Variants in IMMT observed in about 807,000 individuals in gnomAD.
IMMT encodes inner membrane mitochondrial protein.
In IMMT, 40 loss-of-function variants were observed where a neutral mutation model predicts 92.7. That is an observed-to-expected ratio of 0.43 (90% CI 0.34 to 0.56). IMMT has a LOEUF of 0.56. IMMT is among the 20% of genes least tolerant of loss of function. The pLI, the probability that IMMT is intolerant of heterozygous loss-of-function variation, is 0.03. For missense variants in IMMT, 831 were observed against 912.1 expected (o/e 0.91, Z 1.14); for synonymous variants, 322 against 336.1 (o/e 0.96, Z 0.46).
intron 6 of IMMT, among the ~76,000 whole-genome samples, chr2:86,168,062 C>G (rs1346944290): frequency 3.3e-5 from 5 of 151,870 alleles, no homozygotes; most frequent in Admixed American, 6.6e-5. Context: ...AGAAAACAGA[C>G]AAGAGAAAGA....
At chr2:86,177,304 G>A (rs1677493621) in intron 3 of IMMT, among the ~76,000 whole-genome samples, 1 of 151,578 alleles carries the variant, frequency 6.6e-6, no homozygotes, top group African/African-American at 2.4e-5. Flanking sequence ...TAAGATTAGA[G>A]TTTAAAAATT....
Position 86,179,954 on chromosome 2 carries a change from C to T in IMMT, c.120-332G>A, listed in dbSNP as rs565367700. Among the ~76,000 whole-genome samples the T allele has an allele frequency of 3.3e-5, 5 of 152,118 alleles. No homozygotes were observed. In the East Asian group the frequency reaches 5.8e-4, roughly 18 times the overall value. On this transcript the variant is annotated intron_variant, in intron 2 of 14. Coordinates refer to ENST00000410111, the MANE Select transcript of IMMT (RefSeq NM_006839.3). Reference sequence around the variant, plus strand: ...AAAAAATTAGCCAGGTGTAGTAGCACGTGCCCCAGCTACTCAAGAGGCCGA... The same window carrying T: ...AAAAAATTAGCCAGGTGTAGTAGCATGTGCCCCAGCTACTCAAGAGGCCGA...
At chr2:86,147,408 CAT>C (rs1382925373) in intron 13 of IMMT, among the ~76,000 whole-genome samples, 1 of 152,132 alleles carries the variant, frequency 6.6e-6, no homozygotes, top group African/African-American at 2.4e-5. Context: ...TAAGCAGTAC[CAT>C]GCCATCTATA....
Position 86,144,169 on chromosome 2 carries a change from A to G in IMMT, c.*99T>C. The G allele has an allele frequency of 7.5e-7, 1 of 1,328,554 alleles. No individual in the cohort carries two copies. The highest frequency in any genetic ancestry group is 1.0e-6 in the Non-Finnish European group (1 of 966,792). The allele number at this position is 1,328,554 out of a possible 1,614,324, so 82.3% of individuals were successfully genotyped here. A position where few individuals can be genotyped will look rare whatever the true frequency, so the allele number is the denominator to read the frequency against. On this transcript the variant is annotated 3_prime_UTR_variant, in exon 15 of 15. Transcript: ENST00000410111. ...TAGAACAGTACTTGTAAACCTGCTC[A>G]TTTCTAGACAAGTCCGGGACTCTCG...
intron 11 of IMMT, among the ~76,000 whole-genome samples, chr2:86,152,460 A>G (rs1370158711): frequency 6.7e-6 from 1 of 148,398 alleles, no homozygotes; most frequent in African/African-American, 2.5e-5. Context: ...AAAAAAAAAG[A>G]GAGAATTATG....
chr2:86,191,629 C>T (rs774425777), intron 1 of IMMT, among the ~76,000 whole-genome samples: 19 of 151,884 alleles, frequency 1.3e-4, no homozygotes, highest in African/African-American at 2.7e-4. Flanking sequence ...TTCAGCCAGG[C>T]GCGGTGGCTC....
chr2:86,170,503 G>A lies in IMMT; in HGVS notation c.655+246C>T, dbSNP rs190939090. ...TCCCAGAGTATAAAGAATCTTTAGC[G>A]CTAACATAATCTTTAGTATTATTTG... On this transcript the variant is annotated intron_variant, in intron 6 of 14. Transcript: ENST00000410111. 1.2e-3 allele frequency among the ~76,000 whole-genome samples: 183 copies of A among 152,216 alleles called. 1 individual carries two copies. The highest frequency in any genetic ancestry group is 1.3e-3 in the Non-Finnish European group (90 of 68,010).
At chr2:86,149,679 A>C (rs1675315791) in intron 12 of IMMT, among the ~76,000 whole-genome samples, 1 of 152,134 alleles carries the variant, frequency 6.6e-6, no homozygotes, top group African/African-American at 2.4e-5. Flanking sequence ...GGAGTTCGAG[A>C]CCAGCCTGGC....
chr2:86,173,440 C>A, intron 4 of IMMT: 2 of 433,204 alleles, frequency 4.6e-6, no homozygotes, highest in Non-Finnish European at 8.3e-6. Flanking sequence ...ATTAGCTGGG[C>A]GTGCTGGCAC....
intron 8 of IMMT, among the ~76,000 whole-genome samples, chr2:86,160,902 A>G (rs1676222333): frequency 6.6e-6 from 1 of 152,212 alleles, no homozygotes; most frequent in Non-Finnish European, 1.5e-5. Context: ...GAGATACATC[A>G]TCTAAGCAAT....
intron 9 of IMMT, among the ~76,000 whole-genome samples, chr2:86,159,010 T>C (rs910836092): frequency 7.3e-5 from 11 of 151,408 alleles, no homozygotes; most frequent in Non-Finnish European, 1.6e-4. Context: ...ACAATAATCA[T>C]AACCAAAAAT....
intron 8 of IMMT, 21 bp from the exon 9 acceptor site, chr2:86,159,692 G>C (rs368849786): frequency 1.3e-6 from 2 of 1,523,618 alleles, no homozygotes; most frequent in Non-Finnish European, 1.8e-6. Flanking sequence ...ACAAAACAAA[G>C]ATTTAATATA....
intron 4 of IMMT, among the ~76,000 whole-genome samples, chr2:86,173,302 C>T (rs979279696): frequency 3.3e-5 from 5 of 152,040 alleles, no homozygotes; most frequent in East Asian, 3.9e-4. Context: ...GTGAAGAGGC[C>T]GGGCATGGTG....
chr2:86,146,177 A>C lies in IMMT; in HGVS notation c.1554T>G (p.Ser518=). ...EFEQNLSEKL[S]EQELQFRRLS... The stretch of plus-strand genomic sequence containing the variant: ...GACGACGAAATTGTAATTCTTGTTC[A>C]GAGAGTTTCTCAGACAGGTTCTGAA... Residue 518 remains serine, a synonymous_variant, in exon 14 of 15, where the codon TCT becomes TCG. Coordinates refer to ENST00000410111, the MANE Select transcript of IMMT (RefSeq NM_006839.3). The C allele has an allele frequency of 6.2e-7, 1 of 1,608,544 alleles. No homozygotes were observed. The highest frequency in any genetic ancestry group is 8.5e-7 in the Non-Finnish European group (1 of 1,176,390).
At chr2:86,149,268 T>C (rs943965186) in intron 12 of IMMT, among the ~76,000 whole-genome samples, 3 of 152,142 alleles carry the variant, frequency 2.0e-5, no homozygotes, top group Non-Finnish European at 4.4e-5. Flanking sequence ...TAGAACAATG[T>C]ACTAGGCAGA....
At chr2:86,180,473 C>G (rs2105414452) in intron 2 of IMMT, among the ~76,000 whole-genome samples, 1 of 148,250 alleles carries the variant, frequency 6.7e-6, no homozygotes, top group East Asian at 2.2e-4. Flanking sequence ...ACCAAGTTGG[C>G]CAGGCTGGTC....
chr2:86,146,230 G>T (rs1198274983), intron 13 of IMMT, 33 bp from the exon 14 acceptor site: 8 of 1,587,550 alleles, frequency 5.0e-6, no homozygotes, highest in Non-Finnish European at 6.9e-6. Context: ...CCAGAAAAAA[G>T]TGATACTCAA....
intron 12 of IMMT, among the ~76,000 whole-genome samples, chr2:86,149,602 G>T (rs973321242): frequency 6.6e-6 from 1 of 152,204 alleles, no homozygotes; most frequent in African/African-American, 2.4e-5. Context: ...GGAAGGCCGG[G>T]CATGGTACCT....
chr2:86,146,998 C>G (rs927800213), intron 13 of IMMT, among the ~76,000 whole-genome samples: 1 of 151,400 alleles, frequency 6.6e-6, no homozygotes, highest in African/African-American at 2.4e-5. Context: ...TGTCCTCAAG[C>G]GATCCACCCG....
Sources: gnomAD v4.1 joint callset for allele counts (sites outside exome capture counted in the v4.1 genomes callset) on GRCh38, gnomAD v4.1.1 for gene constraint, MANE v1.5 for transcripts, NCBI Gene and HGNC (gene_info 2026-07-23, HGNC 2026-07-21) for gene names.